The following POLA1 variants were observed in gnomAD, a reference collection of about 807,000 sequenced individuals.
The protein encoded by POLA1 is DNA polymerase alpha catalytic subunit.
In POLA1, 15 loss-of-function variants were observed where a neutral mutation model predicts 124.0. The observed-to-expected ratio is 0.12, with a 90% CI of 0.08 to 0.19. The LOEUF (loss-of-function observed/expected upper bound fraction) is 0.19, where lower values mean the gene tolerates loss of function less well. Among genes scored for constraint, POLA1 ranks in the 10% least tolerant of loss-of-function variants. The pLI, the probability that POLA1 is intolerant of heterozygous loss-of-function variation, is 1.00. For missense variants in POLA1, 886 were observed against 1,103.4 expected (o/e 0.80, Z 2.79); for synonymous variants, 408 against 389.4 (o/e 1.05, Z -0.56).
At chrX:24,715,940 A>C (rs1253508293) in intron 6 of POLA1, among the ~76,000 whole-genome samples, 1 of 111,544 alleles carries the variant, frequency 9.0e-6, no homozygotes, top group Non-Finnish European at 1.9e-5. Context: ...GATAGAACTC[A>C]AACAGGATTA....
intron 35 of POLA1, among the ~76,000 whole-genome samples, chrX:24,912,974 A>G (rs187394612): frequency 8.9e-6 from 1 of 112,068 alleles, no homozygotes; most frequent in East Asian, 2.8e-4. Flanking sequence ...AGTAATATAC[A>G]CTTAACATAT....
At chrX:24,915,261 A>G (rs1286859767) in intron 35 of POLA1, among the ~76,000 whole-genome samples, 2 of 111,834 alleles carry the variant, frequency 1.8e-5, no homozygotes, top group African/African-American at 6.5e-5. Flanking sequence ...CTGTGATTGT[A>G]TACCATTTCA....
chrX:24,730,989 A>G (rs1335098566), intron 15 of POLA1, among the ~76,000 whole-genome samples: 1 of 112,394 alleles, frequency 8.9e-6, no homozygotes, highest in African/African-American at 3.2e-5. Flanking sequence ...TGAAAGATAA[A>G]TGGAATAGTA....
intron 26 of POLA1, among the ~76,000 whole-genome samples, chrX:24,781,358 G>C (rs1282349159): frequency 9.0e-6 from 1 of 111,541 alleles, no homozygotes; most frequent in Admixed American, 9.5e-5. Context: ...GTTATCAACG[G>C]TAAGAGGCTA....
chrX:24,762,609 A>G (rs1207983458), intron 26 of POLA1, among the ~76,000 whole-genome samples: 1 of 111,419 alleles, frequency 9.0e-6, no homozygotes, highest in Non-Finnish European at 1.9e-5. Flanking sequence ...CAGGGCACTG[A>G]GAAGGCTGAG....
At chrX:24,911,978 T>A (rs2047455197) in intron 35 of POLA1, among the ~76,000 whole-genome samples, 1 of 112,410 alleles carries the variant, frequency 8.9e-6, no homozygotes, top group African/African-American at 3.2e-5. Flanking sequence ...AATACATAGC[T>A]TTAATACTTA....
intron 32 of POLA1, among the ~76,000 whole-genome samples, chrX:24,827,431 A>G (rs1219207251): frequency 8.9e-6 from 1 of 112,269 alleles, no homozygotes; most frequent in Non-Finnish European, 1.9e-5. Context: ...AGTCAAGCCC[A>G]GGTGCCACTG....
chrX:24,843,798 A>G (rs2046439809), intron 34 of POLA1, 121 bp downstream of exon 34: 3 of 361,202 alleles, frequency 8.3e-6, no homozygotes, highest in Non-Finnish European at 1.4e-5. Flanking sequence ...GTGAAATACT[A>G]TTAATACAAA....
rs765231245 is a variant in POLA1, at chrX:24,739,434, A to G, written c.2100A>G (p.Glu700=). ...ATCGRMICDV[E]ISAKELIRCK... Reference sequence around the variant, plus strand: ...GTGGTCGAATGATCTGTGATGTGGAAATTTCAGCAAAGGAATTGATTCGTT... The same window carrying G: ...GTGGTCGAATGATCTGTGATGTGGAGATTTCAGCAAAGGAATTGATTCGTT... The change falls in exon 20 of 37, where the codon GAA becomes GAG. Residue 700 remains glutamate (E), a synonymous_variant. Transcript: ENST00000379068. 4 of 1,196,887 alleles carry G rather than the reference A, an allele frequency of 3.3e-6. No homozygotes were observed. The highest frequency in any genetic ancestry group is 3.0e-5 in the East Asian group (1 of 33,610).
chrX:24,777,904 G>C (rs2045173417), intron 26 of POLA1, among the ~76,000 whole-genome samples: 1 of 112,401 alleles, frequency 8.9e-6, no homozygotes, highest in African/African-American at 3.2e-5. Context: ...CAAAGGACTG[G>C]CTTAATGGTT....
intron 35 of POLA1, among the ~76,000 whole-genome samples, chrX:24,911,150 T>G (rs1054635385): frequency 2.7e-5 from 3 of 111,904 alleles, no homozygotes; most frequent in Admixed American, 9.5e-5. Flanking sequence ...AGAAGAGGTA[T>G]TAAGGAAGAT....
chrX:24,977,146 C>T (rs987162530), intron 36 of POLA1, among the ~76,000 whole-genome samples: 23 of 112,081 alleles, frequency 2.1e-4, no homozygotes, highest in African/African-American at 7.4e-4. Flanking sequence ...AGTCCCTGTG[C>T]CCTACAGTCT....
At chrX:24,715,995 C>G (rs943969530) in intron 6 of POLA1, among the ~76,000 whole-genome samples, 1 of 111,477 alleles carries the variant, frequency 9.0e-6, no homozygotes, top group East Asian at 2.8e-4. Context: ...ATAAAGACTA[C>G]GCTCTCATTT....
intron 36 of POLA1, among the ~76,000 whole-genome samples, chrX:24,955,035 A>G (rs2048090589): frequency 9.0e-6 from 1 of 111,501 alleles, no homozygotes; most frequent in African/African-American, 3.3e-5. Flanking sequence ...TACCAACTTC[A>G]TTTCCTTTGT....
At chrX:24,916,450 T>C (rs1483319731) in intron 35 of POLA1, among the ~76,000 whole-genome samples, 3 of 109,921 alleles carry the variant, frequency 2.7e-5, no homozygotes. Flanking sequence ...CTGGCTAATT[T>C]TTGTATTATT....
At chrX:24,704,493 GTGT>G in intron 4 of POLA1, 24 bp downstream of exon 4, 2 of 1,034,501 alleles carry the variant, frequency 1.9e-6, no homozygotes, top group Non-Finnish European at 2.7e-6. Flanking sequence ...GTTTTCCAGG[GTGT>G]TGTTTTGAGA....
chrX:24,803,596 C>G (rs6628034), intron 26 of POLA1, among the ~76,000 whole-genome samples: 1 of 110,924 alleles, frequency 9.0e-6, no homozygotes, highest in East Asian at 2.8e-4. Context: ...TTACGTGTTT[C>G]TAGTTATTTT....
At chrX:24,739,997 T>C (rs1931535248) in intron 20 of POLA1, among the ~76,000 whole-genome samples, 1 of 111,346 alleles carries the variant, frequency 9.0e-6, no homozygotes, top group South Asian at 3.8e-4. Context: ...GGTGATCTCA[T>C]TGAGTCTTAG....
intron 35 of POLA1, among the ~76,000 whole-genome samples, chrX:24,910,077 C>A (rs2047425899): frequency 1.8e-5 from 2 of 108,836 alleles, no homozygotes; most frequent in Non-Finnish European, 3.8e-5. Context: ...GATTTTTGCA[C>A]ATTGATTTTG....
Sources: gnomAD v4.1 joint callset for allele counts (sites outside exome capture counted in the v4.1 genomes callset) on GRCh38, gnomAD v4.1.1 for gene constraint, MANE v1.5 for transcripts, NCBI Gene and HGNC (gene_info 2026-07-23, HGNC 2026-07-21) for gene names.